The following FAR2 variants were observed in gnomAD, a reference collection of about 807,000 sequenced individuals.
FAR2 encodes epididymis secretory protein Li 81.
In FAR2, 19 loss-of-function variants were observed where a neutral mutation model predicts 56.0. That is an observed-to-expected ratio of 0.34 (90% CI 0.24 to 0.50). FAR2 has a LOEUF of 0.50. Ranked by LOEUF, FAR2 falls within the 20% of genes least tolerant of loss-of-function variation. FAR2 has a pLI of 0.98. For synonymous variants in FAR2, 219 were observed against 218.8 expected, an observed-to-expected ratio of 1.00 and a Z score of -0.01; for missense variants, 508 against 642.2, an observed-to-expected ratio of 0.79 and a Z score of 2.26.
At chr12:29,248,570 G>A (rs1172518625) in intron 1 of FAR2, among the ~76,000 whole-genome samples, 2 of 152,146 alleles carry the variant, frequency 1.3e-5, no homozygotes, top group Non-Finnish European at 2.9e-5. Flanking sequence ...ACAAGACCAG[G>A]GCAAAATTAA....
intron 1 of FAR2, among the ~76,000 whole-genome samples, chr12:29,150,680 A>C (rs1949675190): frequency 6.6e-6 from 1 of 152,240 alleles, no homozygotes; most frequent in African/African-American, 2.4e-5. Flanking sequence ...TGAGACTTCT[A>C]GGAGATGGGC....
chr12:29,207,083 T>G (rs1307129883), intron 1 of FAR2, among the ~76,000 whole-genome samples: 1 of 152,092 alleles, frequency 6.6e-6, no homozygotes, highest in African/African-American at 2.4e-5. Flanking sequence ...AAAAGTCAGG[T>G]TGCATCTGAC....
At chr12:29,312,576 G>C (rs1304704958) in intron 8 of FAR2, among the ~76,000 whole-genome samples, 1 of 152,166 alleles carries the variant, frequency 6.6e-6, no homozygotes, top group African/African-American at 2.4e-5. Context: ...TAAGCATCTA[G>C]ATGATTCTTG....
intron 10 of FAR2, among the ~76,000 whole-genome samples, 157 bp downstream of exon 10, chr12:29,322,081 C>T (rs1949561516): frequency 2.0e-5 from 3 of 152,200 alleles, no homozygotes; most frequent in Non-Finnish European, 4.4e-5. Context: ...ATGCTATCAA[C>T]ACCACCGTAG....
chr12:29,274,511 C>T (rs1217044134), intron 2 of FAR2, among the ~76,000 whole-genome samples: 3 of 152,058 alleles, frequency 2.0e-5, no homozygotes, highest in African/African-American at 4.8e-5. Flanking sequence ...CATACATGTG[C>T]ATGTGTCTTT....
chr12:29,199,131 G>A (rs556321640), intron 1 of FAR2, among the ~76,000 whole-genome samples: 98 of 152,266 alleles, frequency 6.4e-4, no homozygotes, highest in African/African-American at 2.2e-3. Flanking sequence ...ACTCAAGTGT[G>A]GGCATATGTT....
At chr12:29,266,589 CAG>C (rs943293121) in intron 1 of FAR2, among the ~76,000 whole-genome samples, 12 of 151,944 alleles carry the variant, frequency 7.9e-5, no homozygotes, top group African/African-American at 2.9e-4. Context: ...GATATCAAAA[CAG>C]GGTGACTAAG....
At position 29,230,193 on chromosome 12, in the gene FAR2, G is replaced by A. The variant is rs557344127; in HGVS notation, c.-38-40219G>A. 3.3e-4 allele frequency among the ~76,000 whole-genome samples: 51 copies of A among 152,264 alleles called. No individual in the cohort carries two copies. The South Asian group carries it at 6.2e-3, about 19-fold the overall frequency. On this transcript the variant is annotated intron_variant, in intron 1 of 11. Transcript: ENST00000536681. ...CAGATGACGTAAACTACATCAGGTGGTGTTAAGTGCTGTGAAGAAATGGAA... is the reference window on the plus strand; with the variant it reads ...CAGATGACGTAAACTACATCAGGTGATGTTAAGTGCTGTGAAGAAATGGAA...
intron 8 of FAR2, among the ~76,000 whole-genome samples, chr12:29,315,206 G>A (rs969601788): frequency 3.3e-5 from 5 of 152,234 alleles, no homozygotes; most frequent in Middle Eastern, 3.4e-3. Context: ...GAAGTGAGGG[G>A]GCAAATCAGA....
At chr12:29,331,856 A>G (rs1490594419) in intron 10 of FAR2, 1 of 152,188 alleles carries the variant, frequency 6.6e-6, no homozygotes, top group African/African-American at 2.4e-5. Flanking sequence ...GCTTTTCCAT[A>G]ACAAACCAAA....
At chr12:29,260,091 T>A (rs1385301649) in intron 1 of FAR2, among the ~76,000 whole-genome samples, 2 of 152,212 alleles carry the variant, frequency 1.3e-5, no homozygotes, top group Admixed American at 6.5e-5. Context: ...AATGTAATTA[T>A]TTTATTGAGT....
rs144043617 is a variant in FAR2 at position 29,158,255 on chromosome 12, C to T, written c.-39+8848C>T. On this transcript the variant is annotated intron_variant, in intron 1 of 11. Transcript: ENST00000536681. Reference sequence around the variant, plus strand: ...TCATTTTGAATTGAATATTATTTCACTTGTGTTTTGTTTACACAAGACCTT... The same window carrying T: ...TCATTTTGAATTGAATATTATTTCATTTGTGTTTTGTTTACACAAGACCTT... Among the ~76,000 whole-genome samples the T allele has an allele frequency of 6.1e-4, 93 of 152,318 alleles. 1 individual carries two copies. Among genetic ancestry groups the T allele is most frequent in the East Asian group, 5.6e-3 (29 of 5,190 alleles).
chr12:29,244,820 C>G (rs1948099467), intron 1 of FAR2, among the ~76,000 whole-genome samples: 1 of 152,170 alleles, frequency 6.6e-6, no homozygotes, highest in Admixed American at 6.5e-5. Flanking sequence ...AGTCTCTACC[C>G]TTAAAGAACT....
intron 7 of FAR2, among the ~76,000 whole-genome samples, chr12:29,311,479 A>T (rs1400066829): frequency 6.6e-6 from 1 of 152,160 alleles, no homozygotes; most frequent in African/African-American, 2.4e-5. Flanking sequence ...ATGAAATGAC[A>T]GAATTTTTTT....
chr12:29,318,433 T>C (rs1418352340), intron 9 of FAR2, among the ~76,000 whole-genome samples: 1 of 152,136 alleles, frequency 6.6e-6, no homozygotes, highest in Non-Finnish European at 1.5e-5. Flanking sequence ...AAAGTTCAGT[T>C]AGGAAAAAAG....
At chr12:29,329,780 A>G (rs1949704476) in intron 10 of FAR2, among the ~76,000 whole-genome samples, 1 of 152,178 alleles carries the variant, frequency 6.6e-6, no homozygotes, top group African/African-American at 2.4e-5. Context: ...TCTTGCAAAA[A>G]AATACATATA....
At chr12:29,189,426 A>G (rs1401469045) in intron 1 of FAR2, among the ~76,000 whole-genome samples, 2 of 152,108 alleles carry the variant, frequency 1.3e-5, no homozygotes, top group Non-Finnish European at 2.9e-5. Context: ...CTCTGCCACT[A>G]CAAGATGCTG....
At chr12:29,180,601 C>T (rs531919712) in intron 1 of FAR2, among the ~76,000 whole-genome samples, 1 of 152,262 alleles carries the variant, frequency 6.6e-6, no homozygotes, top group East Asian at 1.9e-4. Flanking sequence ...ATTTCATTGT[C>T]TTCTGATAGT....
chr12:29,177,308 C>A lies in FAR2; in HGVS notation c.-39+27901C>A, dbSNP rs191313875. Among the ~76,000 whole-genome samples the A allele has an allele frequency of 2.6e-5, 4 of 152,254 alleles. No individual in the cohort carries two copies. The East Asian group carries it at 7.7e-4, about 29-fold the overall frequency. ...CAATGGCGGGGGGGATCTGTAGTTTCCAAATAATGTACAGGGCAAAAAACA... is the reference window on the plus strand; with the variant it reads ...CAATGGCGGGGGGGATCTGTAGTTTACAAATAATGTACAGGGCAAAAAACA... On this transcript the variant is annotated intron_variant, in intron 1 of 11. Transcript: ENST00000536681.
Sources: allele counts gnomAD v4.1 joint callset (sites outside exome capture counted in the v4.1 genomes callset), GRCh38; gene constraint gnomAD v4.1.1; transcripts MANE v1.5; gene names NCBI Gene and HGNC (gene_info 2026-07-23, HGNC 2026-07-21).